MVB12B: variants seen among roughly 807,000 people sequenced by gnomAD.
MVB12B encodes multivesicular body subunit 12B.
A neutral mutation model predicts 41.6 loss-of-function variants in MVB12B; 16 were observed. The ratio of observed to expected loss-of-function variants is 0.38; its 90% CI spans 0.26 to 0.58. The LOEUF (loss-of-function observed/expected upper bound fraction) is 0.58. Ranked by LOEUF, MVB12B falls within the 20% of genes least tolerant of loss-of-function variation. The pLI is 0.62. For synonymous variants in MVB12B, 133 were observed against 139.7 expected, an observed-to-expected ratio of 0.95 and a Z score of 0.34; for missense variants, 274 against 380.2, an observed-to-expected ratio of 0.72 and a Z score of 2.32.
intron 9 of MVB12B, among the ~76,000 whole-genome samples, chr9:126,488,646 CAG>C (rs1833671071): frequency 6.6e-6 from 1 of 152,220 alleles, no homozygotes. Flanking sequence ...CAGAGCTGAA[CAG>C]GGGTCTGAGT....
intron 7 of MVB12B, among the ~76,000 whole-genome samples, chr9:126,470,723 T>C (rs1009536532): frequency 2.0e-5 from 3 of 151,848 alleles, no homozygotes; most frequent in African/African-American, 7.3e-5. Context: ...AATGTTCGTT[T>C]GTGGTGTGAG....
At chr9:126,479,246 A>G (rs1165225993) in intron 7 of MVB12B, among the ~76,000 whole-genome samples, 1 of 152,056 alleles carries the variant, frequency 6.6e-6, no homozygotes, top group African/African-American at 2.4e-5. Flanking sequence ...CTGCTTCCCA[A>G]TCTCTAAAAT....
intron 9 of MVB12B, among the ~76,000 whole-genome samples, chr9:126,494,929 C>T (rs1833800429): frequency 6.6e-6 from 1 of 151,702 alleles, no homozygotes; most frequent in Non-Finnish European, 1.5e-5. Context: ...CGGTGGCTCA[C>T]ACCTGTAATC....
chr9:126,466,703 AGAG>A (rs1833208137), intron 7 of MVB12B, among the ~76,000 whole-genome samples: 2 of 152,190 alleles, frequency 1.3e-5, no homozygotes, highest in Non-Finnish European at 2.9e-5. Flanking sequence ...ATGGTGCCCT[AGAG>A]ATGCATACTT....
chr9:126,388,746 C>G (rs1467324075), intron 4 of MVB12B, among the ~76,000 whole-genome samples: 1 of 152,158 alleles, frequency 6.6e-6, no homozygotes, highest in Non-Finnish European at 1.5e-5. Flanking sequence ...GAAATGGAAT[C>G]TCCTTGTGCT....
intron 6 of MVB12B, among the ~76,000 whole-genome samples, chr9:126,421,226 A>G (rs1215913567): frequency 6.6e-6 from 1 of 152,200 alleles, no homozygotes; most frequent in Non-Finnish European, 1.5e-5. Context: ...TGAGCCATCA[A>G]AGACTGTGCT....
At chr9:126,489,337 C>T (rs192386110) in intron 9 of MVB12B, among the ~76,000 whole-genome samples, 2 of 152,350 alleles carry the variant, frequency 1.3e-5, no homozygotes, top group Admixed American at 6.5e-5. Context: ...CTGCTCATCC[C>T]AGCCCAGCGT....
At chr9:126,496,310 AC>A (rs1833833958) in intron 9 of MVB12B, among the ~76,000 whole-genome samples, 1 of 86,530 alleles carries the variant, frequency 1.2e-5, no homozygotes, top group Non-Finnish European at 2.3e-5. Context: ...CCTACCCATC[AC>A]CCCACCCACC....
intron 6 of MVB12B, among the ~76,000 whole-genome samples, chr9:126,400,746 G>A (rs1831245170): frequency 6.6e-6 from 1 of 152,254 alleles, no homozygotes; most frequent in Non-Finnish European, 1.5e-5. Context: ...GGTATGGATA[G>A]TGGAGAGTTG....
intron 7 of MVB12B, 68 bp downstream of exon 7, chr9:126,422,016 TTC>T (rs1832035552): frequency 1.8e-6 from 2 of 1,089,584 alleles, no homozygotes; most frequent in African/African-American, 1.5e-5. Context: ...CTTCCACACG[TTC>T]TCTGTCTTCT....
intron 6 of MVB12B, among the ~76,000 whole-genome samples, chr9:126,406,059 T>C (rs1831413309): frequency 6.6e-6 from 1 of 151,440 alleles, no homozygotes; most frequent in Admixed American, 6.6e-5. Context: ...GGGTTTTTTT[T>C]TTTGAGACGA....
chr9:126,499,924 C>T (rs1023784530), intron 9 of MVB12B, among the ~76,000 whole-genome samples: 2 of 151,530 alleles, frequency 1.3e-5, no homozygotes, highest in African/African-American at 4.9e-5. Context: ...CATGCCCTCC[C>T]CGTGACCCTG....
At chr9:126,441,054 C>G (rs1318530414) in intron 7 of MVB12B, among the ~76,000 whole-genome samples, 1 of 152,244 alleles carries the variant, frequency 6.6e-6, no homozygotes, top group African/African-American at 2.4e-5. Flanking sequence ...GTCAGCCCTT[C>G]TGTTCTCCCG....
intron 2 of MVB12B, among the ~76,000 whole-genome samples, chr9:126,365,015 G>T (rs1337734455): frequency 2.0e-5 from 3 of 151,390 alleles, no homozygotes; most frequent in Non-Finnish European, 4.4e-5. Flanking sequence ...GCCTCCCAAA[G>T]TGCTGGGATT....
At chr9:126,375,172 T>C (rs923338016) in intron 2 of MVB12B, among the ~76,000 whole-genome samples, 1 of 152,214 alleles carries the variant, frequency 6.6e-6, no homozygotes, top group African/African-American at 2.4e-5. Flanking sequence ...AGTGTTTACA[T>C]AGATTACAAT....
At chr9:126,409,220 G>A (rs1275069577) in intron 6 of MVB12B, among the ~76,000 whole-genome samples, 1 of 152,072 alleles carries the variant, frequency 6.6e-6, no homozygotes, top group African/African-American at 2.4e-5. Context: ...ACACGGTGCA[G>A]ATGATCCAAA....
intron 3 of MVB12B, among the ~76,000 whole-genome samples, chr9:126,382,998 A>C (rs570616149): frequency 2.6e-5 from 4 of 152,346 alleles, no homozygotes; most frequent in Non-Finnish European, 5.9e-5. Flanking sequence ...CTTTTGAAGC[A>C]GAGTAGGAGA....
Position 126,445,417 on chromosome 9 carries a change from C to G in MVB12B, c.757+23469C>G, listed in dbSNP as rs112190490. ...CGCCTCCCGGGTTCAAGCAATTCTG[C>G]CTCAGCCTCCAAAGTAGCTGGAACT... is the stretch of plus-strand genomic sequence containing the variant. On this transcript the variant is annotated intron_variant, in intron 7 of 9. Transcript: ENST00000361171. Among the ~76,000 whole-genome samples the G allele has an allele frequency of 1.7e-3, 252 of 152,304 alleles. 1 individual carries two copies. Among genetic ancestry groups the G allele is most frequent in the African/African-American group, 6.0e-3 (248 of 41,558 alleles).
At chr9:126,458,076 C>A (rs1034928855) in intron 7 of MVB12B, among the ~76,000 whole-genome samples, 5 of 152,206 alleles carry the variant, frequency 3.3e-5, no homozygotes, top group Non-Finnish European at 7.3e-5. Flanking sequence ...CACCACGGGG[C>A]AACCTTGACT....
Sources: gnomAD v4.1 joint callset for allele counts (sites outside exome capture counted in the v4.1 genomes callset) on GRCh38, gnomAD v4.1.1 for gene constraint, MANE v1.5 for transcripts, NCBI Gene and HGNC (gene_info 2026-07-23, HGNC 2026-07-21) for gene names.